The following BIRC6 variants were observed in gnomAD, a reference collection of about 807,000 sequenced individuals.
The protein encoded by BIRC6 is dual E2 ubiquitin-conjugating enzyme/E3 ubiquitin-protein ligase BIRC6.
A neutral mutation model predicts 503.3 loss-of-function variants in BIRC6; 98 were observed. The observed-to-expected ratio is 0.19, with a 90% confidence interval of 0.17 to 0.23. BIRC6 has a LOEUF of 0.23. Among genes scored for constraint, BIRC6 ranks in the 10% least tolerant of loss-of-function variants. The probability of loss-of-function intolerance (pLI) is 1.00; values close to 1 mark genes in which losing one functional copy is unlikely to be tolerated. For synonymous variants in BIRC6, 2,240 were observed against 2,078.7 expected, an observed-to-expected ratio of 1.08 and a Z score of -2.11; for missense variants, 5,360 against 5,806.0, an observed-to-expected ratio of 0.92 and a Z score of 2.50.
intron 1 of BIRC6, among the ~76,000 whole-genome samples, chr2:32,369,365 A>G (rs1250424010): frequency 6.6e-6 from 1 of 152,018 alleles, no homozygotes; most frequent in Non-Finnish European, 1.5e-5. Flanking sequence ...CCGTAGGATT[A>G]TTATATTGAT....
chr2:32,476,722 GT>G (rs1434220359), intron 34 of BIRC6, among the ~76,000 whole-genome samples: 1 of 152,116 alleles, frequency 6.6e-6, no homozygotes, highest in Non-Finnish European at 1.5e-5. Flanking sequence ...AGTGAAAAAT[GT>G]GGCATTCTCT....
In BIRC6 at chr2:32,502,974, A is replaced by G. The variant is rs368829383; in HGVS notation, c.9305-68A>G. 145 of 1,515,146 alleles carry G rather than the reference A, an allele frequency of 9.6e-5. 1 individual carries two copies. In the East Asian group the frequency reaches 2.8e-3, roughly 30 times the overall value. 93.9% of individuals were successfully genotyped at this position (1,515,146 alleles called of 1,614,324 possible). A position where few individuals can be genotyped will look rare whatever the true frequency, so the allele number is the denominator to read the frequency against. On this transcript the variant is annotated intron_variant, in intron 48 of 73. Transcript: ENST00000421745. Reference sequence around the variant, plus strand: ...TTTTCATTTTTGTAGTCTTTTGTGGAAGTTTACTTTTGATGTTGAACCATC... The same window carrying G: ...TTTTCATTTTTGTAGTCTTTTGTGGGAGTTTACTTTTGATGTTGAACCATC...
intron 20 of BIRC6, 130 bp from the exon 21 acceptor site, chr2:32,445,391 A>G: frequency 1.1e-6 from 1 of 936,894 alleles, no homozygotes; most frequent in Non-Finnish European, 1.5e-6. Context: ...TGCCTATAAG[A>G]TTGTCTTTCC....
Position 32,415,319 on chromosome 2 carries a change from G to C in BIRC6, c.2028G>C (p.Glu676Asp). The change falls in exon 10 of 74, where the codon GAG becomes GAC. Residue 676 changes from glutamate (E) to aspartate (D), a missense_variant. Coordinates refer to ENST00000421745, the MANE Select transcript of BIRC6 (RefSeq NM_016252.4). Reference protein sequence around the residue: ...QIIEMELDSQEQLLLQDPPVT... With the variant: ...QIIEMELDSQDQLLLQDPPVT... ...TTGAAATGGAGCTGGATAGTCAGGAGCAGTTGTTATTGCAGGATCCTCCTG... is the reference window on the plus strand; with the variant it reads ...TTGAAATGGAGCTGGATAGTCAGGACCAGTTGTTATTGCAGGATCCTCCTG... 6.2e-7 allele frequency: 1 copy of C among 1,614,014 alleles called. No individual in the cohort carries two copies. Among genetic ancestry groups the C allele is most frequent in the Non-Finnish European group, 8.5e-7 (1 of 1,179,886 alleles).
chr2:32,374,145 C>T (rs1473883820), intron 1 of BIRC6, among the ~76,000 whole-genome samples: 1 of 152,064 alleles, frequency 6.6e-6, no homozygotes, highest in East Asian at 1.9e-4. Context: ...TACCACTCAA[C>T]TGTACACTTA....
At chr2:32,609,404 A>C (rs1308736334) in intron 72 of BIRC6, among the ~76,000 whole-genome samples, 1 of 151,990 alleles carries the variant, frequency 6.6e-6, no homozygotes, top group Non-Finnish European at 1.5e-5. Flanking sequence ...TAGCATCACA[A>C]CTTGCTGTGA....
chr2:32,439,913 C>CT (rs1432598190), intron 16 of BIRC6, among the ~76,000 whole-genome samples: 8 of 152,184 alleles, frequency 5.3e-5, no homozygotes, highest in Non-Finnish European at 8.8e-5. Flanking sequence ...GGGTCTCACT[C>CT]TTTCCCCCAG....
chr2:32,531,402 C>G lies in BIRC6; in HGVS notation c.12142C>G (p.Pro4048Ala). ...ASCPEDEALT[P>A]GDECMDGILD... ...CTGTCCAGAAGATGAGGCTCTCACT[C>G]CAGGTGATGAATGCATGGATGGGAT... The change falls in exon 61 of 74, where the codon CCA becomes GCA. Residue 4048 changes from proline to alanine, a missense_variant. By Grantham distance (27) the Pro-to-Ala change is conservative. This residue lies in a region of BIRC6 where 878 missense variants were observed against 928.9 expected (regional missense o/e 0.95). Transcript: ENST00000421745. The G allele has an allele frequency of 6.2e-7, 1 of 1,613,742 alleles. No homozygotes were observed. Among genetic ancestry groups the G allele is most frequent in the Non-Finnish European group, 8.5e-7 (1 of 1,179,762 alleles).
chr2:32,502,865 A>G lies in BIRC6; in HGVS notation c.9278A>G (p.Asp3093Gly). The G allele has an allele frequency of 1.2e-6, 2 of 1,612,094 alleles. No homozygotes were observed. The highest frequency in any genetic ancestry group is 1.7e-6 in the Non-Finnish European group (2 of 1,179,028). The change falls in exon 48 of 74, where the codon GAT (aspartate) becomes GGT (glycine). Residue 3093 changes from aspartate to glycine, a missense_variant. By Grantham distance (94) the Asp-to-Gly change is moderately conservative. Around this residue, in one of 16 missense-constraint regions of BIRC6, gnomAD observed 267 missense variants for 287.6 expected, o/e 0.93. Transcript: ENST00000421745. Reference sequence around the variant, plus strand: ...ATTTTGAGAGTATTGGATACTAGTGATGCCTTGAAAGCATTTCATGATATG... The same window carrying G: ...ATTTTGAGAGTATTGGATACTAGTGGTGCCTTGAAAGCATTTCATGATATG... ...WFILRVLDTS[D>G]ALKAFHDMGG...
intron 53 of BIRC6, among the ~76,000 whole-genome samples, chr2:32,512,012 G>T (rs571931967): frequency 2.6e-5 from 4 of 152,232 alleles, no homozygotes; most frequent in African/African-American, 9.6e-5. Flanking sequence ...AAATATTGTT[G>T]TGGCTTTTTA....
At chr2:32,475,913 AT>A (rs1309875867) in intron 33 of BIRC6, among the ~76,000 whole-genome samples, 2 of 151,930 alleles carry the variant, frequency 1.3e-5, no homozygotes, top group African/African-American at 2.4e-5. Flanking sequence ...TTAAAAGTAA[AT>A]TTTTTTCTCT....
At chr2:32,611,324 G>T in intron 72 of BIRC6, 124 bp from the exon 73 acceptor site, 1 of 477,856 alleles carries the variant, frequency 2.1e-6, no homozygotes. Context: ...TAATTTAAAT[G>T]TATTTATAGA....
At chr2:32,549,589 A>T in intron 65 of BIRC6, 108 bp downstream of exon 65, 1 of 1,039,588 alleles carries the variant, frequency 9.6e-7, no homozygotes, top group African/African-American at 1.6e-5. Flanking sequence ...TTATTTCCTA[A>T]AAAGTATTCT....
At chr2:32,541,758 A>G (rs1342356343) in intron 61 of BIRC6, among the ~76,000 whole-genome samples, 1 of 152,132 alleles carries the variant, frequency 6.6e-6, no homozygotes, top group Non-Finnish European at 1.5e-5. Flanking sequence ...CATGCTCAGA[A>G]TTGGAGTTTT....
chr2:32,371,616 C>G (rs999667743), intron 1 of BIRC6, among the ~76,000 whole-genome samples: 1 of 152,134 alleles, frequency 6.6e-6, no homozygotes, highest in Non-Finnish European at 1.5e-5. Flanking sequence ...CTCCTGAGCT[C>G]AGGCAATCCG....
At position 32,465,249 on chromosome 2, in the gene BIRC6, ATTTTTTT is replaced by A. The variant is rs11353879; in HGVS notation, c.5356+99_5356+105del. 1.8e-4 allele frequency: 49 copies of A among 272,664 alleles called. No individual in the cohort carries two copies. In the East Asian group the frequency reaches 2.1e-3, roughly 12 times the overall value. The allele number at this position is 272,664 out of a possible 1,614,324, so 16.9% of individuals were successfully genotyped here. A position where few individuals can be genotyped will look rare whatever the true frequency, so the allele number is the denominator to read the frequency against. Reference sequence around the variant, plus strand: ...TAAAGACTCATTATTCTTCAGTTCGATTTTTTTTTTTTTTTTTTTTGCAAATCGCGTT... The same window carrying A: ...TAAAGACTCATTATTCTTCAGTTCGATTTTTTTTTTTTTGCAAATCGCGTT... On this transcript the variant is annotated intron_variant, in intron 26 of 73. Transcript: ENST00000421745.
At chr2:32,556,247 G>A (rs1039913908) in intron 65 of BIRC6, among the ~76,000 whole-genome samples, 2 of 152,144 alleles carry the variant, frequency 1.3e-5, no homozygotes, top group Non-Finnish European at 2.9e-5. Context: ...ATTATGACTG[G>A]TAAGTTTTAT....
Position 32,436,123 on chromosome 2 carries a change from T to C in BIRC6, c.3570T>C (p.Ser1190=). 5 of 1,500,738 alleles carry C rather than the reference T, an allele frequency of 3.3e-6. No individual in the cohort carries two copies. The highest frequency in any genetic ancestry group is 4.5e-6 in the Non-Finnish European group (5 of 1,111,662). The allele number at this position is 1,500,738 out of a possible 1,614,324, so 93.0% of individuals were successfully genotyped here. ...TATGTGGGCCAGTATGGCTTGCTAG[T>C]GGCCTTGATCTATCAGGGCATGCTG... The part of the protein sequence containing the change: ...DILCGPVWLA[S]GLDLSGHAGM... Residue 1190 remains serine, a synonymous_variant, in exon 15 of 74, where the codon AGT becomes AGC. Transcript: ENST00000421745.
chr2:32,469,537 G>T lies in BIRC6; in HGVS notation c.6270G>T (p.Arg2090Ser). Residue 2090 changes from arginine to serine, a missense_variant, in exon 30 of 74, where the codon AGG becomes AGT. By Grantham distance (110) the Arg-to-Ser change is moderately radical (BLOSUM62 -1). This residue lies in a region of BIRC6 where 2,299 missense variants were observed against 2,267.2 expected (regional missense o/e 1.01). Transcript: ENST00000421745. ...LLLVQLCGGE[R>S]WWGQFLSNVL... ...TTGTTCAACTGTGTGGTGGTGAAAG[G>T]TGGTGGGGTCAATTTCTTTCTAATG... is the stretch of plus-strand genomic sequence containing the variant. The T allele has an allele frequency of 6.2e-7, 1 of 1,613,898 alleles. No individual in the cohort carries two copies. The highest frequency in any genetic ancestry group is 2.2e-5 in the East Asian group (1 of 44,876).
Sources: gnomAD v4.1 joint callset for allele counts (sites outside exome capture counted in the v4.1 genomes callset) on GRCh38, gnomAD v4.1.1 for gene constraint, gnomAD v4.1.1 regional missense constraint, MANE v1.5 for transcripts, NCBI Gene and HGNC (gene_info 2026-07-23, HGNC 2026-07-21) for gene names.